CRPPA: variants seen among roughly 807,000 people sequenced by gnomAD.
The protein encoded by CRPPA is CDP-L-ribitol pyrophosphorylase A.
Under a neutral mutation model 52.0 loss-of-function variants are expected in CRPPA, and 43 were observed. The ratio of observed to expected loss-of-function variants is 0.83; its 90% CI spans 0.65 to 1.07. The LOEUF (loss-of-function observed/expected upper bound fraction) is 1.07, where lower values mean the gene tolerates loss of function less well. Ranked by LOEUF, CRPPA falls within the 50% of genes least tolerant of loss-of-function variation. The pLI is 0.00. For missense variants in CRPPA, 629 were observed against 551.7 expected (o/e 1.14, Z -1.40); for synonymous variants, 250 against 203.5 (o/e 1.23, Z -1.94).
intron 6 of CRPPA, among the ~76,000 whole-genome samples, chr7:16,262,559 T>C (rs573164359): frequency 2.6e-5 from 4 of 152,340 alleles, no homozygotes; most frequent in Admixed American, 2.0e-4. Flanking sequence ...TTACTTCTTA[T>C]GTGCATTATA....
intron 3 of CRPPA, among the ~76,000 whole-genome samples, chr7:16,371,677 C>T (rs1786752543): frequency 6.6e-6 from 1 of 151,578 alleles, no homozygotes; most frequent in African/African-American, 2.4e-5. Flanking sequence ...TAAAAGAACA[C>T]ACTAGATCCC....
intron 6 of CRPPA, among the ~76,000 whole-genome samples, chr7:16,271,753 C>G (rs1279427006): frequency 2.0e-5 from 3 of 152,168 alleles, no homozygotes; most frequent in African/African-American, 7.2e-5. Flanking sequence ...TATATAAGCA[C>G]AGTTATGTTT....
intron 5 of CRPPA, among the ~76,000 whole-genome samples, chr7:16,291,645 G>A (rs1292546310): frequency 6.6e-6 from 1 of 151,712 alleles, no homozygotes; most frequent in Admixed American, 6.6e-5. Flanking sequence ...TCAGATAGAA[G>A]AAATAAGTTT....
chr7:16,215,809 T>C (rs533829191), intron 9 of CRPPA, among the ~76,000 whole-genome samples: 1 of 152,346 alleles, frequency 6.6e-6, no homozygotes, highest in South Asian at 2.1e-4. Flanking sequence ...TTTTATTTGA[T>C]AAACCTGACA....
intron 8 of CRPPA, among the ~76,000 whole-genome samples, chr7:16,223,793 T>C (rs1365148220): frequency 1.3e-5 from 2 of 152,190 alleles, no homozygotes; most frequent in East Asian, 3.9e-4. Flanking sequence ...ACTTACAGCC[T>C]GGACAGGCTT....
At chr7:16,092,514 G>A (rs1418669885) in intron 9 of CRPPA, among the ~76,000 whole-genome samples, 1 of 151,998 alleles carries the variant, frequency 6.6e-6, no homozygotes, top group Non-Finnish European at 1.5e-5. Context: ...ACCTATTGTA[G>A]CTCCTTCCTA....
At chr7:16,293,838 T>C (rs867857573) in intron 5 of CRPPA, among the ~76,000 whole-genome samples, 22 of 152,056 alleles carry the variant, frequency 1.4e-4, no homozygotes, top group Middle Eastern at 3.4e-3. Flanking sequence ...GTTTCCTACC[T>C]TAGAACTAAA....
At chr7:16,400,020 G>T (rs928069142) in intron 2 of CRPPA, among the ~76,000 whole-genome samples, 7 of 152,174 alleles carry the variant, frequency 4.6e-5, no homozygotes, top group African/African-American at 1.4e-4. Context: ...ACTCGCGAAT[G>T]ACATGATTAG....
intron 6 of CRPPA, among the ~76,000 whole-genome samples, chr7:16,275,342 G>C (rs1227280886): frequency 6.6e-6 from 1 of 152,048 alleles, no homozygotes; most frequent in Non-Finnish European, 1.5e-5. Flanking sequence ...TGGGGGTCTG[G>C]GTCCAAAGCA....
At position 16,176,605 on chromosome 7, in the gene CRPPA, C is replaced by G. The variant is rs542154862; in HGVS notation, c.1251+39461G>C. Among the ~76,000 whole-genome samples the G allele has an allele frequency of 6.6e-5, 10 of 152,160 alleles. No homozygotes were observed. In the East Asian group the frequency reaches 1.9e-3, roughly 29 times the overall value. ...GTAAAATTATTCTGAAAAAGTAAAACAGTTTAGGAGTTTTTCTTAAGAGAT... is the reference window on the plus strand; with the variant it reads ...GTAAAATTATTCTGAAAAAGTAAAAGAGTTTAGGAGTTTTTCTTAAGAGAT... On this transcript the variant is annotated intron_variant, in intron 9 of 9. Transcript: ENST00000407010.
intron 3 of CRPPA, among the ~76,000 whole-genome samples, chr7:16,342,366 A>C (rs1330554762): frequency 6.6e-6 from 1 of 152,208 alleles, no homozygotes; most frequent in African/African-American, 2.4e-5. Flanking sequence ...GGGAGAAAAT[A>C]TGCTAAGTTA....
At chr7:16,369,476 T>C (rs972856477) in intron 3 of CRPPA, among the ~76,000 whole-genome samples, 3 of 152,156 alleles carry the variant, frequency 2.0e-5, no homozygotes, top group Non-Finnish European at 4.4e-5. Context: ...CTGTCTTTGG[T>C]TTTACTTCCT....
rs146936265 is a variant in CRPPA at position 16,257,431 on chromosome 7, A to G, written c.1119+959T>C. Among the ~76,000 whole-genome samples, 1,094 of 152,240 alleles carry G rather than the reference A, an allele frequency of 7.2e-3. 11 individuals are homozygous for G. The highest frequency in any genetic ancestry group is 0.025 in the African/African-American group (1,042 of 41,546). ...GAAAGCTTGTGTTCTATGAAGATCA[A>G]TTACATAAGAAGCTTGGGTTTCAAA... On this transcript the variant is annotated intron_variant, in intron 8 of 9. Transcript: ENST00000407010.
chr7:16,216,985 G>A (rs1479648525), intron 8 of CRPPA, among the ~76,000 whole-genome samples: 2 of 152,070 alleles, frequency 1.3e-5, no homozygotes, highest in Non-Finnish European at 2.9e-5. Context: ...ACCTCTGGGG[G>A]CAGGGCACAG....
At chr7:16,155,640 G>A (rs1026041922) in intron 9 of CRPPA, among the ~76,000 whole-genome samples, 14 of 152,128 alleles carry the variant, frequency 9.2e-5, no homozygotes, top group African/African-American at 3.1e-4. Flanking sequence ...TTTAACTTAC[G>A]TTATTGTAAA....
chr7:16,277,904 T>TC (rs1284886523), intron 6 of CRPPA, among the ~76,000 whole-genome samples: 1 of 152,050 alleles, frequency 6.6e-6, no homozygotes, highest in African/African-American at 2.4e-5. Flanking sequence ...TTCCTAAAGG[T>TC]CGTCACACAT....
intron 9 of CRPPA, among the ~76,000 whole-genome samples, chr7:16,181,762 C>T (rs938928792): frequency 1.3e-5 from 2 of 151,824 alleles, no homozygotes; most frequent in East Asian, 3.9e-4. Context: ...TATATAACAG[C>T]CTCTAAGACA....
intron 9 of CRPPA, among the ~76,000 whole-genome samples, chr7:16,096,725 G>C (rs1781941746): frequency 6.6e-6 from 1 of 152,042 alleles, no homozygotes; most frequent in Admixed American, 6.6e-5. Flanking sequence ...AGGCTTATAG[G>C]TGTGAACTAT....
rs147482926 is a variant in CRPPA at position 16,237,816 on chromosome 7, C to T, written c.1119+20574G>A. Reference sequence around the variant, plus strand: ...TCTGCCATTCCTTCAGTTTCAGACACACTCAGTGGCTCTTTCTAATTCCAA... The same window carrying T: ...TCTGCCATTCCTTCAGTTTCAGACATACTCAGTGGCTCTTTCTAATTCCAA... On this transcript the variant is annotated intron_variant, in intron 8 of 9. Coordinates refer to ENST00000407010, the MANE Select transcript of CRPPA (RefSeq NM_001101426.4). Among the ~76,000 whole-genome samples the T allele has an allele frequency of 6.4e-4, 98 of 152,328 alleles. 1 individual carries two copies. The East Asian group carries it at 0.016, about 25-fold the overall frequency.
Sources: allele counts gnomAD v4.1 joint callset (sites outside exome capture counted in the v4.1 genomes callset), GRCh38; gene constraint gnomAD v4.1.1; transcripts MANE v1.5; gene names NCBI Gene and HGNC (gene_info 2026-07-23, HGNC 2026-07-21).